The following PTPRK variants were observed in gnomAD, a reference collection of about 807,000 sequenced individuals.
PTPRK encodes the protein receptor-type tyrosine-protein phosphatase kappa.
Under a neutral mutation model 178.0 loss-of-function variants are expected in PTPRK, and 75 were observed. That is an observed-to-expected ratio of 0.42 (90% CI 0.35 to 0.51). PTPRK has a LOEUF of 0.51. Among genes scored for constraint, PTPRK ranks in the 20% least tolerant of loss-of-function variants. PTPRK has a pLI of 0.02. For missense variants in PTPRK, 1,441 were observed against 1,797.8 expected, an observed-to-expected ratio of 0.80 and a Z score of 3.59; for synonymous variants, 637 against 620.6, an observed-to-expected ratio of 1.03 and a Z score of -0.39.
At chr6:128,239,503 A>C (rs1813984898) in intron 5 of PTPRK, among the ~76,000 whole-genome samples, 1 of 152,212 alleles carries the variant, frequency 6.6e-6, no homozygotes, top group Admixed American at 6.5e-5. Flanking sequence ...ATCATAATTA[A>C]ATACAAATGT....
At chr6:128,339,663 AAC>A (rs1384052639) in intron 2 of PTPRK, among the ~76,000 whole-genome samples, 1 of 152,168 alleles carries the variant, frequency 6.6e-6, no homozygotes, top group African/African-American at 2.4e-5. Context: ...TGCTTCCTGG[AAC>A]ACAGAAAAAA....
At chr6:128,201,532 G>A (rs957625927) in intron 6 of PTPRK, among the ~76,000 whole-genome samples, 8 of 152,050 alleles carry the variant, frequency 5.3e-5, no homozygotes, top group South Asian at 2.1e-4. Context: ...AGGAACACAC[G>A]TCTCCTGTTC....
intron 2 of PTPRK, among the ~76,000 whole-genome samples, chr6:128,330,310 C>T (rs1035575860): frequency 6.6e-6 from 1 of 152,028 alleles, no homozygotes; most frequent in Non-Finnish European, 1.5e-5. Flanking sequence ...GTGCTGAAGG[C>T]AATGCCATTA....
intron 10 of PTPRK, among the ~76,000 whole-genome samples, chr6:128,079,573 G>T (rs1784447078): frequency 6.6e-6 from 1 of 151,940 alleles, no homozygotes; most frequent in African/African-American, 2.4e-5. Context: ...GGGGGAAAAA[G>T]AGTTACCTCA....
At chr6:128,258,487 T>C (rs1817680423) in intron 3 of PTPRK, among the ~76,000 whole-genome samples, 1 of 152,166 alleles carries the variant, frequency 6.6e-6, no homozygotes, top group Admixed American at 6.5e-5. Flanking sequence ...AAACAAATAC[T>C]GAATAAAAAT....
At chr6:128,321,979 TA>T in intron 3 of PTPRK, 59 bp downstream of exon 3, 1 of 1,602,398 alleles carries the variant, frequency 6.2e-7, no homozygotes, top group South Asian at 1.1e-5. Flanking sequence ...ATCTATGTAT[TA>T]CACATATAGT....
At chr6:128,514,203 T>C (rs1015424696) in intron 1 of PTPRK, among the ~76,000 whole-genome samples, 4 of 152,254 alleles carry the variant, frequency 2.6e-5, no homozygotes, top group Non-Finnish European at 5.9e-5. Context: ...GTATAGATTA[T>C]ATACAGCTTA....
chr6:128,438,423 C>T (rs1013121356), intron 1 of PTPRK, among the ~76,000 whole-genome samples: 2 of 152,212 alleles, frequency 1.3e-5, no homozygotes, highest in African/African-American at 2.4e-5. Flanking sequence ...GAAGAATCTA[C>T]TCTATCACTG....
At chr6:128,159,941 T>C (rs2114600418) in intron 7 of PTPRK, among the ~76,000 whole-genome samples, 1 of 151,832 alleles carries the variant, frequency 6.6e-6, no homozygotes, top group South Asian at 2.1e-4. Flanking sequence ...ATGGGCAGGA[T>C]TATGTTTACT....
At chr6:128,268,757 G>A (rs1022530545) in intron 3 of PTPRK, among the ~76,000 whole-genome samples, 4 of 151,802 alleles carry the variant, frequency 2.6e-5, no homozygotes, top group East Asian at 1.9e-4. Context: ...GGAGTACTAC[G>A]TCCCCTTTAA....
At chr6:128,019,553 T>C (rs1054871533) in intron 13 of PTPRK, among the ~76,000 whole-genome samples, 1 of 148,642 alleles carries the variant, frequency 6.7e-6, no homozygotes, top group Non-Finnish European at 1.5e-5. Context: ...AAAAAAAAAA[T>C]ACATGTTCCA....
intron 1 of PTPRK, among the ~76,000 whole-genome samples, chr6:128,506,482 C>G (rs1277956172): frequency 6.6e-6 from 1 of 151,022 alleles, no homozygotes; most frequent in African/African-American, 2.4e-5. Flanking sequence ...ATGGCAAGAC[C>G]CTGATCTCTA....
At chr6:128,495,419 T>A (rs571288478) in intron 1 of PTPRK, among the ~76,000 whole-genome samples, 1 of 152,258 alleles carries the variant, frequency 6.6e-6, no homozygotes, top group South Asian at 2.1e-4. Context: ...AAAGGTAATA[T>A]GCAAATTTGT....
chr6:128,379,536 A>G (rs1837577387), intron 2 of PTPRK, among the ~76,000 whole-genome samples: 1 of 152,184 alleles, frequency 6.6e-6, no homozygotes, highest in Admixed American at 6.5e-5. Flanking sequence ...TTTTACCTTT[A>G]AGAAAGAGAG....
intron 1 of PTPRK, among the ~76,000 whole-genome samples, chr6:128,492,373 C>A (rs946967510): frequency 6.6e-6 from 1 of 152,168 alleles, no homozygotes; most frequent in Non-Finnish European, 1.5e-5. Flanking sequence ...TGGGATATAT[C>A]ATACTGTTAC....
chr6:128,003,467 A>T (rs1778069532), intron 15 of PTPRK, among the ~76,000 whole-genome samples: 3 of 151,858 alleles, frequency 2.0e-5, no homozygotes, highest in Admixed American at 2.0e-4. Context: ...AAGCCAGAAG[A>T]TTAAACTTGA....
intron 3 of PTPRK, among the ~76,000 whole-genome samples, chr6:128,308,110 A>G (rs1284877774): frequency 1.3e-5 from 2 of 152,058 alleles, no homozygotes; most frequent in East Asian, 3.9e-4. Flanking sequence ...GATTACCACT[A>G]CATAAACCTG....
intron 3 of PTPRK, among the ~76,000 whole-genome samples, chr6:128,255,622 A>C (rs1159399605): frequency 2.0e-5 from 3 of 152,250 alleles, no homozygotes; most frequent in African/African-American, 7.2e-5. Context: ...TCGGCATTAA[A>C]GTATGAACAA....
intron 13 of PTPRK, among the ~76,000 whole-genome samples, chr6:128,059,086 A>T (rs1455712132): frequency 6.6e-6 from 1 of 152,102 alleles, no homozygotes; most frequent in African/African-American, 2.4e-5. Flanking sequence ...ATTGGCCTTG[A>T]TAACATCCAG....
Sources: gnomAD v4.1 joint callset for allele counts (sites outside exome capture counted in the v4.1 genomes callset) on GRCh38, gnomAD v4.1.1 for gene constraint, MANE v1.5 for transcripts, NCBI Gene and HGNC (gene_info 2026-07-23, HGNC 2026-07-21) for gene names.